GPR135: variants seen among roughly 807,000 people sequenced by gnomAD.
GPR135 encodes G protein-coupled receptor 135.
In GPR135, 17 loss-of-function variants were observed where a neutral mutation model predicts 15.0. The observed-to-expected ratio is 1.13, with a 90% confidence interval of 0.78 to 1.70. The LOEUF (loss-of-function observed/expected upper bound fraction) is 1.70. GPR135 is among the 40% of genes most tolerant of loss of function. The probability of loss-of-function intolerance (pLI) is 0.00; values close to 1 mark genes in which losing one functional copy is unlikely to be tolerated. For synonymous variants in GPR135, 368 were observed against 349.4 expected (o/e 1.05, Z -0.59); for missense variants, 776 against 727.0 (o/e 1.07, Z -0.78).
chr14:59,454,060 T>C (rs1411104062), intron 6 of GPR135, among the ~76,000 whole-genome samples: 2 of 152,178 alleles, frequency 1.3e-5, no homozygotes, highest in African/African-American at 4.8e-5. Flanking sequence ...GGATACAAAG[T>C]ATTGATCTTG....
rs1888982882 is a variant in GPR135 at position 59,464,061 on chromosome 14, A to G, written c.1166T>C (p.Ile389Thr). ...GAGCATCGAAATGTTGGGATTGCGGATGGCGTAGATGACAGGGTTGATGGC... is the reference window on the plus strand; with the variant it reads ...GAGCATCGAAATGTTGGGATTGCGGGTGGCGTAGATGACAGGGTTGATGGC... ...NGAINPVIYA[I>T]RNPNISMLLG... Residue 389 changes from isoleucine (I) to threonine (T), a missense_variant, in exon 1 of 1, where the codon ATC becomes ACC. Coordinates refer to ENST00000395116, the MANE Select transcript of GPR135 (RefSeq NM_022571.6). 1.9e-6 allele frequency: 3 copies of G among 1,613,326 alleles called. No homozygotes were observed. In the South Asian group the frequency reaches 3.3e-5, roughly 18 times the overall value.
Position 59,464,387 on chromosome 14 carries a change from CCCCACG to C in GPR135, c.834_839del (p.Ser278_Gly280delinsArg). On this transcript the variant is annotated inframe_deletion, in exon 1 of 1. Transcript: ENST00000395116. ...GCAGCAGGTAGCAGGCCACCACCAG[CCCCACG>C]CTGAAGGCCGCGCCCAGCTGCGCGG... 6 of 1,604,004 alleles carry C rather than the reference CCCCACG, an allele frequency of 3.7e-6. No individual in the cohort carries two copies. Among genetic ancestry groups the C allele is most frequent in the Non-Finnish European group, 5.1e-6 (6 of 1,176,162 alleles).
chr14:59,465,200 T>TGGGCG lies in GPR135; in HGVS notation c.22_26dup (p.Pro10AlafsTer48). The TGGGCG allele has an allele frequency of 1.6e-6, 2 of 1,255,350 alleles. No individual in the cohort carries two copies. The highest frequency in any genetic ancestry group is 2.0e-6 in the Non-Finnish European group (2 of 1,002,244). The allele number at this position is 1,255,350 out of a possible 1,614,324, so 77.8% of individuals were successfully genotyped here. ...TGCCCAGTAAGGCCATGCTCGCTGG[T>TGGGCG]GGGCGGGGCGGCTGCGGCTCCTCCA... On this transcript the variant is annotated frameshift_variant, in exon 1 of 1. Transcript: ENST00000395116. LOFTEE classifies it high-confidence loss of function.
chr14:59,454,986 G>A (rs540546294), intron 6 of GPR135, among the ~76,000 whole-genome samples: 13 of 152,164 alleles, frequency 8.5e-5, no homozygotes, highest in African/African-American at 3.1e-4. Context: ...TGTAGTCCCA[G>A]CTACTTGGGA....
At chr14:59,458,970 T>C (rs572077041), downstream of GPR135, 38 of 152,292 alleles carry the variant, frequency 2.5e-4, no homozygotes, top group African/African-American at 9.1e-4. Context: ...GCCATGTGCT[T>C]TTTCCACCTG....
At position 59,464,815 on chromosome 14, in the gene GPR135, T is replaced by G; in HGVS notation, c.412A>C (p.Thr138Pro). Residue 138 changes from threonine to proline, a missense_variant, in exon 1 of 1, where the codon ACC becomes CCC. Physicochemically the swap from Thr to Pro is conservative, Grantham distance 38. Coordinates refer to ENST00000395116, the MANE Select transcript of GPR135 (RefSeq NM_022571.6). ...GACAGCGACAGGATGAAGGCGTTGGTGACGGTGCGGAGCTGCCGGTGCTTC... is the reference window on the plus strand; with the variant it reads ...GACAGCGACAGGATGAAGGCGTTGGGGACGGTGCGGAGCTGCCGGTGCTTC... ...IVKHRQLRTV[T>P]NAFILSLSLS... is the part of the protein sequence containing the mutation. 1 of 1,583,824 alleles carries G rather than the reference T, an allele frequency of 6.3e-7. No homozygotes were observed. The highest frequency in any genetic ancestry group is 8.6e-7 in the Non-Finnish European group (1 of 1,164,968).
At chr14:59,457,551 C>G (rs1307998014), downstream of GPR135, among the ~76,000 whole-genome samples, 3 of 152,098 alleles carry the variant, frequency 2.0e-5, no homozygotes, top group Admixed American at 6.5e-5. Flanking sequence ...CTCTATTGAA[C>G]TATATTCAAG....
chr14:59,456,377 A>G (rs973209515), downstream of GPR135: 7 of 152,224 alleles, frequency 4.6e-5, no homozygotes, highest in African/African-American at 1.7e-4. Flanking sequence ...ATTCTGTCCT[A>G]CGCCACTTCA....
rs1339050748 is a variant in GPR135, at chr14:59,462,263, A to T, written c.*1479T>A. 2.0e-5 allele frequency: 3 copies of T among 152,226 alleles called. No individual in the cohort carries two copies. The highest frequency in any genetic ancestry group is 4.4e-5 in the Non-Finnish European group (3 of 68,028). The allele number at this position is 152,226 out of a possible 1,614,324, so 9.4% of individuals were successfully genotyped here. ...CAATTAAGGCTATGAAATACTGAAG[A>T]AAAGGGGCAGGATGGAGGAAAAGAA... On this transcript the variant is annotated 3_prime_UTR_variant, in exon 1 of 1. Coordinates refer to ENST00000395116, the MANE Select transcript of GPR135 (RefSeq NM_022571.6).
At chr14:59,458,177 T>G (rs1457934765), downstream of GPR135, among the ~76,000 whole-genome samples, 1 of 152,172 alleles carries the variant, frequency 6.6e-6, no homozygotes, top group African/African-American at 2.4e-5. Context: ...AACAATAGCT[T>G]TAGTAGGGCT....
At position 59,464,903 on chromosome 14, in the gene GPR135, G is replaced by A. The variant is rs1371629993; in HGVS notation, c.324C>T (p.Leu108=). 1.2e-5 allele frequency: 20 copies of A among 1,602,266 alleles called. 1 individual carries two copies. Among genetic ancestry groups the A allele is most frequent in the Admixed American group, 1.0e-4 (6 of 58,940 alleles). Residue 108 remains leucine, a synonymous_variant, in exon 1 of 1, where the codon CTC becomes CTT. Coordinates refer to ENST00000395116, the MANE Select transcript of GPR135 (RefSeq NM_022571.6). ...SHGAAVAAQA[L]VLLLIFLLSS... ...ACAGCAGGAAGATGAGCAGGAGGAC[G>A]AGCGCCTGGGCCGCCACTGCAGCTC...
rs955356632 is a variant in GPR135, at chr14:59,462,540, T to C, written c.*1202A>G. ...CCACACCTATTCTCCCTTTAATAAA[T>C]ACATTATCTTCGACAAGTCATAGCT... On this transcript the variant is annotated 3_prime_UTR_variant, in exon 1 of 1. Transcript: ENST00000395116. 7 of 152,198 alleles carry C rather than the reference T, an allele frequency of 4.6e-5. No individual in the cohort carries two copies. The highest frequency in any genetic ancestry group is 1.7e-4 in the African/African-American group (7 of 41,462). 9.4% of individuals were successfully genotyped at this position (152,198 alleles called of 1,614,324 possible).
In GPR135 at chr14:59,464,608, A is replaced by C. The variant is rs1191145750; in HGVS notation, c.619T>G (p.Leu207Val). The C allele has an allele frequency of 6.3e-7, 1 of 1,596,750 alleles. No individual in the cohort carries two copies. Among genetic ancestry groups the C allele is most frequent in the African/African-American group, 1.3e-5 (1 of 74,830 alleles). ...CGCACGATAGCGCAGTAACGGTCCA[A>C]CGAGATGAGCGCCACGCTGAGCGTG... ...VSTLSVALIS[L>V]DRYCAIVRPP... Residue 207 changes from leucine (L) to valine (V), a missense_variant, in exon 1 of 1, where the codon TTG becomes GTG. Coordinates refer to ENST00000395116, the MANE Select transcript of GPR135 (RefSeq NM_022571.6).
chr14:59,464,975 C>G lies in GPR135; in HGVS notation c.252G>C (p.Ala84=). ...CCTCCGGGCCTAGCGGCCGCCTCAC[C>G]GCCGCCCCCGCCTCCCGCGCTGCCC... The part of the protein sequence containing the change: ...GSGAAREAGA[A]VRRPLGPEAA... Residue 84 remains alanine (A), a synonymous_variant, in exon 1 of 1, where the codon GCG becomes GCC. Coordinates refer to ENST00000395116, the MANE Select transcript of GPR135 (RefSeq NM_022571.6). The G allele has an allele frequency of 2.0e-6, 3 of 1,466,006 alleles. No individual in the cohort carries two copies. Among genetic ancestry groups the G allele is most frequent in the Non-Finnish European group, 2.7e-6 (3 of 1,114,170 alleles). The allele number at this position is 1,466,006 out of a possible 1,614,324, so 90.8% of individuals were successfully genotyped here. A position where few individuals can be genotyped will look rare whatever the true frequency, so the allele number is the denominator to read the frequency against.
rs1355355643 is a variant in GPR135, at chr14:59,463,081, A to C, written c.*661T>G. On this transcript the variant is annotated 3_prime_UTR_variant, in exon 1 of 1. Transcript: ENST00000395116. ...TAATCTTGGAAAACATTTAAAAGAC[A>C]CATTTCTTTATGTTCATACTTCTAT... 1 of 152,228 alleles carries C rather than the reference A, an allele frequency of 6.6e-6. No homozygotes were observed. Among genetic ancestry groups the C allele is most frequent in the African/African-American group, 2.4e-5 (1 of 41,464 alleles). The allele number at this position is 152,228 out of a possible 1,614,324, so 9.4% of individuals were successfully genotyped here.
At chr14:59,457,999 A>T (rs1230491981), downstream of GPR135, among the ~76,000 whole-genome samples, 1 of 152,204 alleles carries the variant, frequency 6.6e-6, no homozygotes, top group African/African-American at 2.4e-5. Context: ...GCAGCTCCAG[A>T]TACACGTTTC....
rs1268817171 is a variant in GPR135 at position 59,462,268 on chromosome 14, G to A, written c.*1474C>T. 6.6e-6 allele frequency: 1 copy of A among 152,088 alleles called. No individual in the cohort carries two copies. The highest frequency in any genetic ancestry group is 6.5e-5 in the Admixed American group (1 of 15,272). 9.4% of individuals were successfully genotyped at this position (152,088 alleles called of 1,614,324 possible). On this transcript the variant is annotated 3_prime_UTR_variant, in exon 1 of 1. Transcript: ENST00000395116. The stretch of plus-strand genomic sequence containing the variant: ...AAGGCTATGAAATACTGAAGAAAAG[G>A]GGCAGGATGGAGGAAAAGAAAGGGA...
chr14:59,453,704 G>T (rs779228667), intron 6 of GPR135, among the ~76,000 whole-genome samples: 1 of 152,162 alleles, frequency 6.6e-6, no homozygotes, highest in Non-Finnish European at 1.5e-5. Context: ...AATGACTTTG[G>T]GGTTGAAAAG....
At chr14:59,459,769 G>A (rs1355168516), downstream of GPR135, among the ~76,000 whole-genome samples, 14 of 152,168 alleles carry the variant, frequency 9.2e-5, no homozygotes, top group Non-Finnish European at 1.8e-4. Context: ...GGGAAGAATG[G>A]GCATTTTTCC....
Sources: allele counts gnomAD v4.1 joint callset (sites outside exome capture counted in the v4.1 genomes callset), GRCh38; gene constraint gnomAD v4.1.1; transcripts MANE v1.5; gene names NCBI Gene and HGNC (gene_info 2026-07-23, HGNC 2026-07-21).